The following SEMA3C variants were observed in gnomAD, a reference collection of about 807,000 sequenced individuals.
SEMA3C encodes semaphorin 3C.
A neutral mutation model predicts 89.4 loss-of-function variants in SEMA3C; 47 were observed. The observed-to-expected ratio is 0.53, with a 90% confidence interval of 0.42 to 0.67. SEMA3C has a LOEUF of 0.67. SEMA3C is among the 30% of genes least tolerant of loss of function. The pLI is 0.00. For synonymous variants in SEMA3C, 310 were observed against 320.2 expected, an observed-to-expected ratio of 0.97 and a Z score of 0.34; for missense variants, 839 against 929.1, an observed-to-expected ratio of 0.90 and a Z score of 1.26.
At chr7:80,856,171 T>C (rs1290682434) in intron 2 of SEMA3C, among the ~76,000 whole-genome samples, 1 of 152,116 alleles carries the variant, frequency 6.6e-6, no homozygotes, top group Non-Finnish European at 1.5e-5. Context: ...AGGTAAAAAT[T>C]CACTGTTCTT....
At chr7:80,837,391 G>C (rs1790158736) in intron 2 of SEMA3C, among the ~76,000 whole-genome samples, 1 of 152,174 alleles carries the variant, frequency 6.6e-6, no homozygotes, top group African/African-American at 2.4e-5. Flanking sequence ...ATACTAGAGT[G>C]ATGCGAAAAT....
intron 2 of SEMA3C, among the ~76,000 whole-genome samples, chr7:80,851,321 A>G (rs184967203): frequency 1.8e-3 from 276 of 152,010 alleles, no homozygotes; most frequent in African/African-American, 6.4e-3. Flanking sequence ...CCTGACCAAC[A>G]TGGTGAAACC....
At chr7:80,771,881 T>C (rs1418351928) in intron 12 of SEMA3C, among the ~76,000 whole-genome samples, 1 of 152,192 alleles carries the variant, frequency 6.6e-6, no homozygotes, top group Non-Finnish European at 1.5e-5. Context: ...TCCTGTGCTC[T>C]TCTTGCTCCT....
At chr7:80,898,579 T>G (rs777737179) in intron 2 of SEMA3C, among the ~76,000 whole-genome samples, 29 of 152,108 alleles carry the variant, frequency 1.9e-4, no homozygotes, top group Non-Finnish European at 3.7e-4. Context: ...TAGCAAAGTA[T>G]AGGCAGAACC....
At chr7:80,885,715 A>G (rs1004259277) in intron 2 of SEMA3C, among the ~76,000 whole-genome samples, 26 of 152,298 alleles carry the variant, frequency 1.7e-4, no homozygotes, top group African/African-American at 5.1e-4. Context: ...CTTTCATAAT[A>G]TAAGTTTTAA....
At chr7:80,789,117 ATTTAC>A (rs1788873089) in intron 12 of SEMA3C, among the ~76,000 whole-genome samples, 184 bp downstream of exon 12, 1 of 152,046 alleles carries the variant, frequency 6.6e-6, no homozygotes, top group South Asian at 2.1e-4. Context: ...GAACTCTATA[ATTTAC>A]TTTATTAGCT....
intron 13 of SEMA3C, among the ~76,000 whole-genome samples, chr7:80,764,037 T>C (rs554261185): frequency 1.3e-4 from 20 of 152,222 alleles, no homozygotes; most frequent in Non-Finnish European, 2.4e-4. Flanking sequence ...TTTGATTCTA[T>C]TTTATATTTC....
chr7:80,832,233 G>A (rs900175022), intron 2 of SEMA3C, among the ~76,000 whole-genome samples: 1 of 152,102 alleles, frequency 6.6e-6, no homozygotes, highest in Non-Finnish European at 1.5e-5. Context: ...TACTCAACTG[G>A]TGTCACAGTT....
intron 2 of SEMA3C, among the ~76,000 whole-genome samples, chr7:80,896,544 T>C (rs1791741800): frequency 6.6e-6 from 1 of 152,188 alleles, no homozygotes; most frequent in Non-Finnish European, 1.5e-5. Flanking sequence ...ATATATGAGA[T>C]AACGTAGAAA....
chr7:80,747,147 C>A (rs927400296), intron 17 of SEMA3C, among the ~76,000 whole-genome samples: 1 of 151,936 alleles, frequency 6.6e-6, no homozygotes, highest in African/African-American at 2.4e-5. Flanking sequence ...TGTGTTAGAG[C>A]TAATGTTATG....
chr7:80,793,406 T>C (rs1788988448), intron 11 of SEMA3C: 2 of 403,494 alleles, frequency 5.0e-6, no homozygotes, highest in Non-Finnish European at 9.6e-6. Context: ...ATCCATTACT[T>C]GAGCATATTT....
In SEMA3C at chr7:80,764,540, A is replaced by T. The variant is rs1200143874; in HGVS notation, c.1443+615T>A. Among the ~76,000 whole-genome samples, 5 of 151,796 alleles carry T rather than the reference A, an allele frequency of 3.3e-5. No individual in the cohort carries two copies. The East Asian group carries it at 7.7e-4, about 24-fold the overall frequency. On this transcript the variant is annotated intron_variant, in intron 13 of 17. Transcript: ENST00000265361. The stretch of plus-strand genomic sequence containing the variant: ...CTGCCCTGACCAGGTGAGATCTTAC[A>T]GTACTGAACTTCCCTTGTGTATGTT...
intron 5 of SEMA3C, among the ~76,000 whole-genome samples, chr7:80,814,260 T>C (rs1789545629): frequency 6.6e-6 from 1 of 151,968 alleles, no homozygotes. Context: ...AGCTAATTTT[T>C]TGTATTTTTA....
rs1417677641 is a variant in SEMA3C, at chr7:80,834,313, C to T, written c.104-5568G>A. 2.0e-5 allele frequency among the ~76,000 whole-genome samples: 3 copies of T among 152,132 alleles called. No homozygotes were observed. The East Asian group carries it at 5.8e-4, about 30-fold the overall frequency. Reference sequence around the variant, plus strand: ...ATGTTCCCTGGGGTAAAATTTGCTGCACAATATGCTTACCTAAAATTCATG... The same window carrying T: ...ATGTTCCCTGGGGTAAAATTTGCTGTACAATATGCTTACCTAAAATTCATG... On this transcript the variant is annotated intron_variant, in intron 2 of 17. Transcript: ENST00000265361.
At chr7:80,856,077 A>T (rs1790631252) in intron 2 of SEMA3C, among the ~76,000 whole-genome samples, 1 of 152,094 alleles carries the variant, frequency 6.6e-6, no homozygotes, top group African/African-American at 2.4e-5. Flanking sequence ...TAGCAAAGGA[A>T]TTTTTTATTA....
At chr7:80,828,503 T>C (rs900809336) in intron 3 of SEMA3C, 82 bp downstream of exon 3, 2 of 1,109,726 alleles carry the variant, frequency 1.8e-6, no homozygotes, top group South Asian at 1.8e-5. Context: ...ATAAAATGCA[T>C]ATTATTTTTT....
intron 2 of SEMA3C, among the ~76,000 whole-genome samples, chr7:80,884,931 A>G (rs539532146): frequency 6.6e-6 from 1 of 152,332 alleles, no homozygotes; most frequent in South Asian, 2.1e-4. Flanking sequence ...TTTTAAAAAT[A>G]CAGATTAGAT....
chr7:80,772,101 AT>A (rs1788446923), intron 12 of SEMA3C, among the ~76,000 whole-genome samples: 1 of 152,202 alleles, frequency 6.6e-6, no homozygotes, highest in African/African-American at 2.4e-5. Flanking sequence ...ACTGCAAAAT[AT>A]TTGCTTGGCA....
At chr7:80,750,027 A>G (rs560924367) in intron 16 of SEMA3C, among the ~76,000 whole-genome samples, 68 of 152,268 alleles carry the variant, frequency 4.5e-4, no homozygotes, top group African/African-American at 1.6e-3. Context: ...AAGTAAGCAA[A>G]ATCTGTCTTA....
Sources: gnomAD v4.1 joint callset for allele counts (sites outside exome capture counted in the v4.1 genomes callset) on GRCh38, gnomAD v4.1.1 for gene constraint, MANE v1.5 for transcripts, NCBI Gene and HGNC (gene_info 2026-07-23, HGNC 2026-07-21) for gene names.